Variants in ABTB3 observed in about 807,000 individuals in gnomAD.
ABTB3 encodes the protein ankyrin repeat- and BTB/POZ domain-containing protein 3.
chr12:107,464,144 G>C, the ABTB3 span, among the ~76,000 whole-genome samples: 3 of 151,856 alleles, frequency 2.0e-5, no homozygotes, highest in African/African-American at 7.3e-5. Flanking sequence ...ACTCCTGTTA[G>C]ATGTGGACTG....
chr12:107,503,420 C>G, the ABTB3 span, among the ~76,000 whole-genome samples: 72 of 152,180 alleles, frequency 4.7e-4, 1 homozygote, highest in African/African-American at 1.7e-3. Context: ...GGGGACTGCC[C>G]TCCAGGGTCA....
chr12:107,554,763 T>C, the ABTB3 span, among the ~76,000 whole-genome samples: 2,593 of 152,294 alleles, frequency 0.017, 74 homozygotes, highest in African/African-American at 0.057. Flanking sequence ...CTGTTGCTGC[T>C]GGTTCAGGGA....
the ABTB3 span, among the ~76,000 whole-genome samples, chr12:107,595,412 G>A: frequency 6.6e-6 from 1 of 152,192 alleles, no homozygotes. Context: ...TATTCAGAGT[G>A]GGAAGCAGGC....
chr12:107,479,460 C>T, the ABTB3 span, among the ~76,000 whole-genome samples: 2 of 152,008 alleles, frequency 1.3e-5, no homozygotes, highest in Non-Finnish European at 2.9e-5. Context: ...GAATGGTCTC[C>T]ACTTTATAGG....
chr12:107,398,968 T>C, the ABTB3 span, among the ~76,000 whole-genome samples: 1 of 152,136 alleles, frequency 6.6e-6, no homozygotes, highest in Non-Finnish European at 1.5e-5. Flanking sequence ...GGGGTCGGGA[T>C]AGGGGGAGTT....
At chr12:107,601,965 C>A in the ABTB3 span, among the ~76,000 whole-genome samples, 3 of 152,190 alleles carry the variant, frequency 2.0e-5, no homozygotes, top group African/African-American at 7.2e-5. Context: ...TGAACCCGGG[C>A]AGCCTGGCCT....
chr12:107,466,062 CTG>C, the ABTB3 span, among the ~76,000 whole-genome samples: 1 of 152,118 alleles, frequency 6.6e-6, no homozygotes, highest in South Asian at 2.1e-4. Context: ...ATAAGCCAAA[CTG>C]TTTTTATCAT....
chr12:107,553,896 T>A, the ABTB3 span, among the ~76,000 whole-genome samples: 1 of 152,152 alleles, frequency 6.6e-6, no homozygotes, highest in Middle Eastern at 3.2e-3. Context: ...GCCAAGATTG[T>A]GCCACTGCAG....
the ABTB3 span, among the ~76,000 whole-genome samples, chr12:107,629,431 A>G: frequency 2.0e-5 from 3 of 152,190 alleles, 1 homozygote; most frequent in South Asian, 6.2e-4. Context: ...TCAAAAAAAA[A>G]GAATTTTGCT....
At chr12:107,464,868 G>T in the ABTB3 span, among the ~76,000 whole-genome samples, 5 of 152,228 alleles carry the variant, frequency 3.3e-5, no homozygotes, top group East Asian at 9.7e-4. Flanking sequence ...TGGGGAGAGA[G>T]GTGATGTTAC....
At chr12:107,458,878 A>AC in the ABTB3 span, among the ~76,000 whole-genome samples, 2 of 151,762 alleles carry the variant, frequency 1.3e-5, no homozygotes, top group Non-Finnish European at 2.9e-5. Context: ...TTCATCTGCC[A>AC]CCCCCTGCAG....
the ABTB3 span, among the ~76,000 whole-genome samples, chr12:107,528,432 A>G: frequency 6.6e-5 from 10 of 152,260 alleles, no homozygotes; most frequent in African/African-American, 2.4e-4. Flanking sequence ...TTGTATCAGC[A>G]GCACACAGAT....
the ABTB3 span, among the ~76,000 whole-genome samples, chr12:107,446,209 G>A: frequency 1.8e-4 from 28 of 152,036 alleles, no homozygotes; most frequent in African/African-American, 5.8e-4. Context: ...AAGAGCAGGA[G>A]CCTTCCAGAT....
chr12:107,431,875 T>C, the ABTB3 span, among the ~76,000 whole-genome samples: 13 of 152,258 alleles, frequency 8.5e-5, no homozygotes, highest in African/African-American at 3.1e-4. Flanking sequence ...GTAAGGAACA[T>C]CTGAGGCCCC....
At chr12:107,657,428 C>T in the ABTB3 span, 1 of 1,194,044 alleles carries the variant, frequency 8.4e-7, no homozygotes, top group Non-Finnish European at 1.2e-6. Context: ...AGGTGTGTGC[C>T]ATCATTAGCT....
chr12:107,585,209 T>C, the ABTB3 span, among the ~76,000 whole-genome samples: 1 of 152,172 alleles, frequency 6.6e-6, no homozygotes, highest in Non-Finnish European at 1.5e-5. Flanking sequence ...TCTTAGCTGA[T>C]AAATGGTACC....
the ABTB3 span, among the ~76,000 whole-genome samples, chr12:107,570,951 C>G: frequency 6.6e-6 from 1 of 152,222 alleles, no homozygotes; most frequent in African/African-American, 2.4e-5. Flanking sequence ...AGGCCTGGCT[C>G]TGAGCCCAGC....
chr12:107,547,107 T>C, the ABTB3 span, among the ~76,000 whole-genome samples: 1 of 151,840 alleles, frequency 6.6e-6, no homozygotes, highest in Non-Finnish European at 1.5e-5. Context: ...AGCAGGAGGA[T>C]TGCTTGAGCC....
the ABTB3 span, among the ~76,000 whole-genome samples, chr12:107,494,517 C>T: frequency 3.9e-5 from 6 of 152,282 alleles, no homozygotes; most frequent in East Asian, 5.8e-4. Flanking sequence ...CAGCCTAGAC[C>T]GGGTATGGCC....
Sources: allele counts gnomAD v4.1 joint callset (sites outside exome capture counted in the v4.1 genomes callset), GRCh38; gene constraint gnomAD v4.1.1; transcripts MANE v1.5; gene names NCBI Gene and HGNC (gene_info 2026-07-23, HGNC 2026-07-21).